Variants in ZC4H2 observed in about 807,000 individuals in gnomAD.
The protein encoded by ZC4H2 is zinc finger C4H2-type containing.
For missense variants in ZC4H2, 137 were observed against 173.9 expected (o/e 0.79, Z 1.19); for synonymous variants, 84 against 66.3 (o/e 1.27, Z -1.30).
At chrX:64,985,435 T>G (rs1209386922) in intron 1 of ZC4H2, among the ~76,000 whole-genome samples, 1 of 111,865 alleles carries the variant, frequency 8.9e-6, no homozygotes, top group Admixed American at 9.5e-5. Flanking sequence ...TCTCCGATTA[T>G]TTCTGATGTT....
chrX:65,021,625 CA>C (rs1344131432), intron 1 of ZC4H2, among the ~76,000 whole-genome samples: 4 of 110,751 alleles, frequency 3.6e-5, no homozygotes, highest in Non-Finnish European at 7.5e-5. Flanking sequence ...ACTTGAGAAG[CA>C]AGTGCAAACA....
chrX:65,016,106 G>A (rs1209437973), intron 1 of ZC4H2, among the ~76,000 whole-genome samples: 1 of 111,477 alleles, frequency 9.0e-6, no homozygotes, highest in Non-Finnish European at 1.9e-5. Flanking sequence ...TAATGTGGCC[G>A]ACCCTGTTAA....
intron 1 of ZC4H2, among the ~76,000 whole-genome samples, chrX:65,032,251 A>G (rs1170709492): frequency 8.9e-6 from 1 of 112,381 alleles, no homozygotes; most frequent in African/African-American, 3.2e-5. Flanking sequence ...ATTTCTCTAT[A>G]CACTGATAAA....
intron 1 of ZC4H2, among the ~76,000 whole-genome samples, chrX:64,940,143 A>G (rs1189761549): frequency 8.9e-6 from 1 of 111,992 alleles, no homozygotes; most frequent in East Asian, 2.8e-4. Flanking sequence ...TTTGATTTGC[A>G]TTTCTCTAAT....
intron 1 of ZC4H2, among the ~76,000 whole-genome samples, chrX:64,947,956 T>G (rs1361032452): frequency 2.7e-5 from 3 of 111,292 alleles, no homozygotes; most frequent in Non-Finnish European, 5.7e-5. Context: ...CATTGCTCAG[T>G]TAAACTCCTT....
intron 1 of ZC4H2, among the ~76,000 whole-genome samples, chrX:64,931,482 C>A (rs1243185219): frequency 9.0e-6 from 1 of 111,392 alleles, no homozygotes; most frequent in East Asian, 2.8e-4. Flanking sequence ...TTGATTGATG[C>A]ATTTAACACC....
chrX:64,951,077 A>G (rs1362628553), intron 1 of ZC4H2, among the ~76,000 whole-genome samples: 1 of 110,836 alleles, frequency 9.0e-6, no homozygotes, highest in Admixed American at 9.7e-5. Flanking sequence ...TGTCCTTGCG[A>G]TAGTTTACTG....
chrX:64,951,258 C>G (rs1351673446), intron 1 of ZC4H2, among the ~76,000 whole-genome samples: 2 of 112,155 alleles, frequency 1.8e-5, no homozygotes, highest in Non-Finnish European at 3.8e-5. Context: ...AGTGCCACAA[C>G]AAACATACGT....
chrX:64,971,175 T>G (rs1348177886), intron 1 of ZC4H2, among the ~76,000 whole-genome samples: 2 of 112,540 alleles, frequency 1.8e-5, no homozygotes. Flanking sequence ...CAGCCTGTAT[T>G]TTTCAAAAAG....
intron 1 of ZC4H2, among the ~76,000 whole-genome samples, chrX:65,008,228 T>G (rs2147283913): frequency 8.9e-6 from 1 of 112,011 alleles, no homozygotes; most frequent in East Asian, 2.8e-4. Flanking sequence ...ACATCACTAT[T>G]TATCAGAGAA....
intron 1 of ZC4H2, among the ~76,000 whole-genome samples, chrX:65,004,595 T>C (rs1373283468): frequency 9.0e-6 from 1 of 111,571 alleles, no homozygotes. Context: ...AATAATAAGA[T>C]CTATTTATGA....
intron 1 of ZC4H2, among the ~76,000 whole-genome samples, chrX:64,958,381 ATGTGTGTGTGTGTGTATT>A (rs1569216518): frequency 9.3e-6 from 1 of 107,618 alleles, no homozygotes; most frequent in Non-Finnish European, 1.9e-5. Context: ...ATGCCTGTAT[ATGTGTGTGTGTGTGTATT>A]TGTGTGTGTG....
At chrX:65,027,271 G>C (rs1227133944) in intron 1 of ZC4H2, among the ~76,000 whole-genome samples, 2 of 111,809 alleles carry the variant, frequency 1.8e-5, no homozygotes, top group African/African-American at 3.3e-5. Flanking sequence ...TAATCAATAA[G>C]GAATGGGGAA....
intron 1 of ZC4H2, among the ~76,000 whole-genome samples, chrX:64,925,724 C>T (rs770968844): frequency 8.9e-6 from 1 of 112,271 alleles, no homozygotes; most frequent in South Asian, 3.7e-4. Flanking sequence ...AGATTTTTCA[C>T]CTCATGTGTC....
In ZC4H2 at chrX:64,967,015, C is replaced by A. The variant is rs774252624; in HGVS notation, c.53+9310G>T. 2.7e-5 allele frequency among the ~76,000 whole-genome samples: 3 copies of A among 111,357 alleles called. No individual in the cohort carries two copies. In the South Asian group the frequency reaches 1.1e-3, roughly 42 times the overall value. On this transcript the variant is annotated intron_variant, in intron 1 of 4. Transcript: ENST00000374839. ...AGAATTAAATCTAAACCTACAACTC[C>A]CACTAAACATAACTTCTAAGCATGC...
intron 1 of ZC4H2, among the ~76,000 whole-genome samples, chrX:64,924,450 C>G (rs1023640445): frequency 4.5e-5 from 5 of 111,771 alleles, no homozygotes; most frequent in African/African-American, 1.6e-4. Context: ...AGTATATAGA[C>G]AGCAAGTTTC....
intron 4 of ZC4H2, 105 bp from the exon 5 acceptor site, chrX:64,918,001 C>A: frequency 1.1e-6 from 1 of 936,214 alleles, no homozygotes; most frequent in Non-Finnish European, 1.5e-6. Flanking sequence ...GATTTCCCAT[C>A]AGAAGAGAGC....
intron 1 of ZC4H2, among the ~76,000 whole-genome samples, chrX:65,028,620 C>A (rs1023624310): frequency 6.4e-5 from 7 of 110,098 alleles, no homozygotes; most frequent in Admixed American, 2.9e-4. Flanking sequence ...CAACCTCTGC[C>A]TCCTGGGTTC....
intron 4 of ZC4H2, 38 bp downstream of exon 4, chrX:64,919,004 A>T: frequency 8.8e-7 from 1 of 1,131,304 alleles, no homozygotes. Flanking sequence ...ATGGGAGGAT[A>T]CTTTGCTTCC....
Sources: gnomAD v4.1 joint callset for allele counts (sites outside exome capture counted in the v4.1 genomes callset) on GRCh38, gnomAD v4.1.1 for gene constraint, MANE v1.5 for transcripts, NCBI Gene and HGNC (gene_info 2026-07-23, HGNC 2026-07-21) for gene names.